ITGBL1: variants seen among roughly 807,000 people sequenced by gnomAD.
The protein encoded by ITGBL1 is integrin beta-like protein 1.
Under a neutral mutation model 68.5 loss-of-function variants are expected in ITGBL1, and 51 were observed. The ratio of observed to expected loss-of-function variants is 0.74; its 90% CI spans 0.59 to 0.94. The LOEUF (loss-of-function observed/expected upper bound fraction) is 0.94. Among genes scored for constraint, ITGBL1 ranks in the 40% least tolerant of loss-of-function variants. ITGBL1 has a pLI of 0.00. For missense variants in ITGBL1, 649 were observed against 647.4 expected (o/e 1.00, Z -0.03); for synonymous variants, 209 against 227.3 (o/e 0.92, Z 0.72).
At chr13:101,581,011 AT>A (rs139563621) in intron 5 of ITGBL1, among the ~76,000 whole-genome samples, 1 of 151,072 alleles carries the variant, frequency 6.6e-6, no homozygotes, top group Admixed American at 6.6e-5. Context: ...GAGATGAGTC[AT>A]TTTTTTTTCT....
chr13:101,495,399 AC>A (rs1345458383), intron 2 of ITGBL1, among the ~76,000 whole-genome samples: 1 of 152,024 alleles, frequency 6.6e-6, no homozygotes, highest in African/African-American at 2.4e-5. Flanking sequence ...CACACGGTCA[AC>A]CCCACAAGGG....
intron 6 of ITGBL1, among the ~76,000 whole-genome samples, chr13:101,591,511 G>GTC (rs2050654401): frequency 6.6e-6 from 1 of 152,066 alleles, no homozygotes; most frequent in Non-Finnish European, 1.5e-5. Context: ...GATCCCTAAT[G>GTC]TCTCATTCCA....
intron 2 of ITGBL1, among the ~76,000 whole-genome samples, chr13:101,533,729 T>C (rs374811613): frequency 3.3e-5 from 5 of 150,806 alleles, no homozygotes; most frequent in African/African-American, 1.2e-4. Context: ...AGTATTATGA[T>C]TTCCAATGCT....
At chr13:101,496,676 A>G (rs183757759) in intron 2 of ITGBL1, among the ~76,000 whole-genome samples, 426 of 152,186 alleles carry the variant, frequency 2.8e-3, no homozygotes, top group Admixed American at 5.4e-3. Context: ...CCTTCTTGCC[A>G]CTGCTCTCTG....
At chr13:101,607,369 ATT>A (rs1344421224) in intron 7 of ITGBL1, among the ~76,000 whole-genome samples, 2 of 152,050 alleles carry the variant, frequency 1.3e-5, no homozygotes, top group African/African-American at 4.8e-5. Context: ...TTACATGCCA[ATT>A]TATTGGACAA....
intron 7 of ITGBL1, among the ~76,000 whole-genome samples, chr13:101,638,673 T>C (rs2032257926): frequency 6.6e-6 from 1 of 152,108 alleles, no homozygotes; most frequent in Non-Finnish European, 1.5e-5. Context: ...ATAAGATTTA[T>C]TCACTACCAT....
At chr13:101,557,352 T>C (rs1310689084) in intron 2 of ITGBL1, among the ~76,000 whole-genome samples, 1 of 152,218 alleles carries the variant, frequency 6.6e-6, no homozygotes, top group Non-Finnish European at 1.5e-5. Context: ...GGCATATGCT[T>C]ACATACATAT....
At chr13:101,454,886 A>G (rs1350064857) in intron 2 of ITGBL1, among the ~76,000 whole-genome samples, 1 of 152,102 alleles carries the variant, frequency 6.6e-6, no homozygotes, top group African/African-American at 2.4e-5. Context: ...GAAACTTGGT[A>G]TTTTCTGAGG....
chr13:101,550,163 G>A (rs541964318), intron 2 of ITGBL1, among the ~76,000 whole-genome samples: 8 of 152,208 alleles, frequency 5.3e-5, no homozygotes, highest in African/African-American at 1.9e-4. Context: ...GGCCTCTTGT[G>A]TTTGCATATT....
At chr13:101,578,483 C>T (rs1356072387) in intron 4 of ITGBL1, among the ~76,000 whole-genome samples, 1 of 152,120 alleles carries the variant, frequency 6.6e-6, no homozygotes, top group Non-Finnish European at 1.5e-5. Context: ...GGATAAATGC[C>T]ATCTTTGGGG....
intron 2 of ITGBL1, among the ~76,000 whole-genome samples, chr13:101,513,937 G>A (rs973128078): frequency 3.3e-5 from 5 of 152,046 alleles, no homozygotes; most frequent in Middle Eastern, 3.4e-3. Flanking sequence ...AGAATGAAGT[G>A]CATATTTAAA....
chr13:101,583,990 T>C (rs2050508652), intron 6 of ITGBL1, among the ~76,000 whole-genome samples: 1 of 152,240 alleles, frequency 6.6e-6, no homozygotes, highest in African/African-American at 2.4e-5. Context: ...TAGTTATCAT[T>C]AGGGCACCTA....
At chr13:101,469,706 CA>C (rs1365127599) in intron 2 of ITGBL1, among the ~76,000 whole-genome samples, 4 of 152,000 alleles carry the variant, frequency 2.6e-5, no homozygotes, top group Non-Finnish European at 5.9e-5. Flanking sequence ...AAAACAAAAA[CA>C]AAAAACACCA....
intron 2 of ITGBL1, among the ~76,000 whole-genome samples, chr13:101,544,929 G>A (rs1009039048): frequency 2.0e-5 from 3 of 152,194 alleles, no homozygotes; most frequent in Admixed American, 6.5e-5. Context: ...AAAGTGACCC[G>A]ATTTTCCAGG....
intron 7 of ITGBL1, among the ~76,000 whole-genome samples, chr13:101,643,696 A>T (rs2032466237): frequency 6.6e-6 from 1 of 152,152 alleles, no homozygotes; most frequent in Non-Finnish European, 1.5e-5. Context: ...AATACAGGGT[A>T]CAGGGGAGCA....
At chr13:101,588,794 A>C (rs1279479750) in intron 6 of ITGBL1, among the ~76,000 whole-genome samples, 1 of 152,170 alleles carries the variant, frequency 6.6e-6, no homozygotes, top group Non-Finnish European at 1.5e-5. Flanking sequence ...GCAAAACCCA[A>C]CATTTTCATC....
At position 101,697,039 on chromosome 13, in the gene ITGBL1, A is replaced by ATTT. The variant is rs60831726; in HGVS notation, c.1132+4348_1132+4350dup. 1.4e-4 allele frequency among the ~76,000 whole-genome samples: 21 copies of ATTT among 147,358 alleles called. No homozygotes were observed. The East Asian group carries it at 1.8e-3, about 12-fold the overall frequency. On this transcript the variant is annotated intron_variant, in intron 8 of 10. Coordinates refer to ENST00000376180, the MANE Select transcript of ITGBL1 (RefSeq NM_004791.3). ...GATATTGAAGGAAAATATCGATTTC[A>ATTT]TTTTTTTTTTTTACATCAAGAGCTC...
chr13:101,521,135 G>A (rs1190863809), intron 2 of ITGBL1, among the ~76,000 whole-genome samples: 3 of 152,158 alleles, frequency 2.0e-5, no homozygotes, highest in Non-Finnish European at 4.4e-5. Context: ...ACAGAACTTT[G>A]CTAATGTAAG....
At chr13:101,575,316 T>C (rs956540398) in intron 3 of ITGBL1, 108 bp from the exon 4 acceptor site, 4 of 1,050,388 alleles carry the variant, frequency 3.8e-6, no homozygotes, top group African/African-American at 3.2e-5. Flanking sequence ...AATTGAAATA[T>C]TAAATTGATT....
Sources: gnomAD v4.1 joint callset for allele counts (sites outside exome capture counted in the v4.1 genomes callset) on GRCh38, gnomAD v4.1.1 for gene constraint, MANE v1.5 for transcripts, NCBI Gene and HGNC (gene_info 2026-07-23, HGNC 2026-07-21) for gene names.